UBE2H: variants seen among roughly 807,000 people sequenced by gnomAD.
UBE2H encodes ubiquitin-conjugating enzyme E2 H.
A neutral mutation model predicts 29.0 loss-of-function variants in UBE2H; 3 were observed. That is an observed-to-expected ratio of 0.10 (90% CI 0.05 to 0.27). The LOEUF (loss-of-function observed/expected upper bound fraction) is 0.27. Ranked by LOEUF, UBE2H falls within the 10% of genes least tolerant of loss-of-function variation. UBE2H has a pLI of 1.00. For missense variants in UBE2H, 68 were observed against 228.2 expected (o/e 0.30, Z 4.52); for synonymous variants, 69 against 82.9 (o/e 0.83, Z 0.91).
chr7:129,860,743 T>C (rs886919619), intron 3 of UBE2H, among the ~76,000 whole-genome samples: 12 of 152,016 alleles, frequency 7.9e-5, no homozygotes, highest in African/African-American at 2.2e-4. Flanking sequence ...CAGGATGTTA[T>C]ATTTACAGGC....
chr7:129,865,019 C>T (rs1287847084), intron 3 of UBE2H: 10 of 428,902 alleles, frequency 2.3e-5, no homozygotes, highest in South Asian at 1.5e-4. Context: ...GCTTACCCTT[C>T]TCTGTCCTGC....
intron 3 of UBE2H, among the ~76,000 whole-genome samples, chr7:129,868,092 C>T (rs1428540639): frequency 6.6e-6 from 1 of 152,094 alleles, no homozygotes; most frequent in African/African-American, 2.4e-5. Flanking sequence ...GCCAAAAATA[C>T]TTGTTTTCAT....
chr7:129,950,412 C>T (rs1013089080), intron 1 of UBE2H, among the ~76,000 whole-genome samples: 6 of 151,768 alleles, frequency 4.0e-5, no homozygotes, highest in African/African-American at 1.5e-4. Flanking sequence ...AAAAAGACAC[C>T]CTGCTGTTCT....
intron 5 of UBE2H, among the ~76,000 whole-genome samples, chr7:129,854,065 T>TTTTTTTTTTTTTA (rs1235829126): frequency 2.0e-5 from 3 of 148,768 alleles, no homozygotes; most frequent in Non-Finnish European, 3.0e-5. Flanking sequence ...TGTTAGTTTT[T>TTTTTTTTTTTTTA]TTTTTTTTTT....
chr7:129,840,307 C>T (rs1252605380), intron 5 of UBE2H, among the ~76,000 whole-genome samples: 2 of 152,100 alleles, frequency 1.3e-5, no homozygotes, highest in East Asian at 3.9e-4. Flanking sequence ...CAGCCTCAGT[C>T]TTCCAAGTAA....
chr7:129,883,816 T>A (rs1445417379), intron 1 of UBE2H, among the ~76,000 whole-genome samples: 1 of 152,144 alleles, frequency 6.6e-6, no homozygotes, highest in Non-Finnish European at 1.5e-5. Context: ...TACTCCAGCC[T>A]GGGCAACAGA....
At chr7:129,931,836 C>CTTTTTTTTTTTT (rs372552075) in intron 1 of UBE2H, among the ~76,000 whole-genome samples, 1 of 131,310 alleles carries the variant, frequency 7.6e-6, no homozygotes, top group Non-Finnish European at 1.6e-5. Flanking sequence ...TTCTACTTTG[C>CTTTTTTTTTTTT]TTTTTTTTTT....
chr7:129,871,113 C>T (rs1806020700), intron 3 of UBE2H, among the ~76,000 whole-genome samples: 1 of 152,164 alleles, frequency 6.6e-6, no homozygotes, highest in Non-Finnish European at 1.5e-5. Context: ...TTTGCTTTAT[C>T]TTCGCACTCC....
chr7:129,867,729 A>C (rs1021722446), intron 3 of UBE2H, among the ~76,000 whole-genome samples: 4 of 130,508 alleles, frequency 3.1e-5, no homozygotes, highest in Non-Finnish European at 5.0e-5. Context: ...AAAACCAAAA[A>C]AAAAAAAAAA....
At chr7:129,849,469 T>G (rs1805570470) in intron 5 of UBE2H, among the ~76,000 whole-genome samples, 1 of 151,896 alleles carries the variant, frequency 6.6e-6, no homozygotes, top group South Asian at 2.1e-4. Flanking sequence ...TCCCAGCTAC[T>G]TGGGAGGCTG....
chr7:129,864,552 C>CTTTTTTTTTTT (rs757244811), intron 3 of UBE2H, among the ~76,000 whole-genome samples: 1 of 75,672 alleles, frequency 1.3e-5, no homozygotes. Context: ...TTTTTCTTTT[C>CTTTTTTTTTTT]TTTCTTTTTT....
At chr7:129,859,514 G>A (rs985341770) in intron 3 of UBE2H, among the ~76,000 whole-genome samples, 1 of 152,118 alleles carries the variant, frequency 6.6e-6, no homozygotes, top group African/African-American at 2.4e-5. Context: ...GGGAAACCCA[G>A]TTTTGATTAA....
At chr7:129,935,711 C>T (rs771776525) in intron 1 of UBE2H, among the ~76,000 whole-genome samples, 1 of 152,090 alleles carries the variant, frequency 6.6e-6, no homozygotes, top group African/African-American at 2.4e-5. Context: ...GCAGGATTAA[C>T]AGACATTACT....
intron 1 of UBE2H, among the ~76,000 whole-genome samples, chr7:129,927,535 G>A (rs1392487619): frequency 3.9e-5 from 6 of 152,104 alleles, no homozygotes; most frequent in East Asian, 1.9e-4. Flanking sequence ...GCGAGACTCC[G>A]TCTCAAAAAT....
In UBE2H at chr7:129,846,358, TAATAATAATAA is replaced by T. The variant is rs1404977742; in HGVS notation, c.299-7034_299-7024del. Among the ~76,000 whole-genome samples the T allele has an allele frequency of 8.7e-3, 76 of 8,694 alleles. 1 individual carries two copies. Among genetic ancestry groups the T allele is most frequent in the African/African-American group, 0.015 (74 of 4,794 alleles). The allele number at this position is 8,694 out of a possible 152,430, so 5.7% of individuals were successfully genotyped here. On this transcript the variant is annotated intron_variant, in intron 5 of 6. Transcript: ENST00000355621. ...TCCGGTCTCTACAAAATAATAATAATAATAATAATAATAATAATAATAATAATAATTGGGCA... is the reference window on the plus strand; with the variant it reads ...TCCGGTCTCTACAAAATAATAATAATTAATAATAATAATAATAATTGGGCA...
Position 129,939,169 on chromosome 7 carries a change from CTG to C in UBE2H, c.53+13332_53+13333del, listed in dbSNP as rs999395333. Reference sequence around the variant, plus strand: ...AGAACCAAATGCCATATAAAAGTGACTGTTTTTTTAATTTTTAGAGACAGGGT... The same window carrying C: ...AGAACCAAATGCCATATAAAAGTGACTTTTTTTAATTTTTAGAGACAGGGT... On this transcript the variant is annotated intron_variant, in intron 1 of 6. Coordinates refer to ENST00000355621, the MANE Select transcript of UBE2H (RefSeq NM_003344.4). Among the ~76,000 whole-genome samples, 10 of 152,244 alleles carry C rather than the reference CTG, an allele frequency of 6.6e-5. No homozygotes were observed. In the South Asian group the frequency reaches 1.0e-3, roughly 16 times the overall value.
At chr7:129,856,632 T>C (rs908050783) in intron 5 of UBE2H, among the ~76,000 whole-genome samples, 1 of 152,172 alleles carries the variant, frequency 6.6e-6, no homozygotes, top group Non-Finnish European at 1.5e-5. Flanking sequence ...AGCCTGAGAT[T>C]TGGACATGTG....
In UBE2H at chr7:129,922,673, T is replaced by G. The variant is rs192782237; in HGVS notation, c.53+29830A>C. Among the ~76,000 whole-genome samples the G allele has an allele frequency of 2.2e-3, 342 of 152,304 alleles. 1 individual carries two copies. Among genetic ancestry groups the G allele is most frequent in the African/African-American group, 7.8e-3 (325 of 41,570 alleles). On this transcript the variant is annotated intron_variant, in intron 1 of 6. Coordinates refer to ENST00000355621, the MANE Select transcript of UBE2H (RefSeq NM_003344.4). The stretch of plus-strand genomic sequence containing the variant: ...AAATGGCTCAGCCAAAAATATGAGA[T>G]AGCAAATATAGCAAAATATTGAGTC...
intron 5 of UBE2H, among the ~76,000 whole-genome samples, chr7:129,841,586 T>C (rs966640097): frequency 3.3e-5 from 5 of 152,222 alleles, no homozygotes; most frequent in African/African-American, 9.6e-5. Context: ...AGATCCTGTA[T>C]TGGACAGTGC....
Sources: allele counts gnomAD v4.1 joint callset (sites outside exome capture counted in the v4.1 genomes callset), GRCh38; gene constraint gnomAD v4.1.1; transcripts MANE v1.5; gene names NCBI Gene and HGNC (gene_info 2026-07-23, HGNC 2026-07-21).